The following WDPCP variants were observed in gnomAD, a reference collection of about 807,000 sequenced individuals.
The protein encoded by WDPCP is WD repeat-containing and planar cell polarity effector protein fritz homolog.
A neutral mutation model predicts 93.1 loss-of-function variants in WDPCP; 71 were observed. The observed-to-expected ratio is 0.76, with a 90% CI of 0.63 to 0.93. The LOEUF is 0.93. Ranked by LOEUF, WDPCP falls within the 40% of genes least tolerant of loss-of-function variation. The pLI, the probability that WDPCP is intolerant of heterozygous loss-of-function variation, is 0.00. For missense variants in WDPCP, 844 were observed against 887.4 expected, an observed-to-expected ratio of 0.95 and a Z score of 0.62; for synonymous variants, 315 against 315.0, an observed-to-expected ratio of 1.00 and a Z score of 0.00.
chr2:63,791,607 C>T (rs1670547104), intron 2 of WDPCP, among the ~76,000 whole-genome samples: 1 of 152,120 alleles, frequency 6.6e-6, no homozygotes, highest in Non-Finnish European at 1.5e-5. Flanking sequence ...CTGAGATTAG[C>T]ACCATTACAC....
chr2:63,761,924 C>T (rs1670061094), intron 2 of WDPCP, among the ~76,000 whole-genome samples: 1 of 152,246 alleles, frequency 6.6e-6, no homozygotes, highest in South Asian at 2.1e-4. Flanking sequence ...AACACATCTT[C>T]TTTTGGGCTG....
intron 6 of WDPCP, among the ~76,000 whole-genome samples, chr2:63,453,947 T>A (rs1486452547): frequency 1.1e-5 from 1 of 90,494 alleles, no homozygotes; most frequent in Non-Finnish European, 2.0e-5. Context: ...TGGGGCCTGT[T>A]GTGGGGTGGG....
At chr2:63,611,378 C>G (rs188805801) in intron 3 of WDPCP, among the ~76,000 whole-genome samples, 1 of 152,182 alleles carries the variant, frequency 6.6e-6, no homozygotes, top group East Asian at 1.9e-4. Context: ...AAAGCAGCAG[C>G]CTTCTGGATT....
intron 9 of WDPCP, among the ~76,000 whole-genome samples, chr2:63,424,276 G>A (rs1696089640): frequency 6.6e-6 from 1 of 151,474 alleles, no homozygotes; most frequent in Non-Finnish European, 1.5e-5. Flanking sequence ...GAGAGGGGGT[G>A]TGCGTCAGCC....
chr2:63,641,393 AT>A (rs1203308120), intron 3 of WDPCP, among the ~76,000 whole-genome samples: 4 of 152,142 alleles, frequency 2.6e-5, no homozygotes. Flanking sequence ...AGTTGTACTA[AT>A]TTCATTTTCA....
chr2:63,322,589 T>C (rs1054687080), intron 12 of WDPCP, among the ~76,000 whole-genome samples: 1 of 152,030 alleles, frequency 6.6e-6, no homozygotes, highest in African/African-American at 2.4e-5. Context: ...GCTTCACTCC[T>C]GAAGTCAGCG....
chr2:63,500,077 A>C (rs1701449626), intron 1 of WDPCP, among the ~76,000 whole-genome samples: 1 of 152,194 alleles, frequency 6.6e-6, no homozygotes, highest in African/African-American at 2.4e-5. Context: ...CCCCTTACCC[A>C]GACTTGTTCC....
intron 2 of WDPCP, among the ~76,000 whole-genome samples, chr2:63,750,587 G>A (rs1669864828): frequency 6.6e-6 from 1 of 152,124 alleles, no homozygotes; most frequent in African/African-American, 2.4e-5. Context: ...TTACTGATCT[G>A]AGGGGAAAAG....
rs1022691052 is a variant in WDPCP at position 63,542,252 on chromosome 2, T to C, written c.75+45945A>G. The stretch of plus-strand genomic sequence containing the variant: ...GCCTGGGAAGGAAGCATTTTTTTTT[T>C]CTTCCTGAAGTGAATTTGATGCTTC... On this transcript the variant is annotated intron_variant, in intron 1 of 17. Transcript: ENST00000272321. 5.9e-5 allele frequency among the ~76,000 whole-genome samples: 9 copies of C among 152,304 alleles called. No homozygotes were observed. The East Asian group carries it at 1.7e-3, about 29-fold the overall frequency.
intron 3 of WDPCP, among the ~76,000 whole-genome samples, chr2:63,601,054 T>C (rs1709408711): frequency 6.6e-6 from 1 of 152,202 alleles, no homozygotes; most frequent in Non-Finnish European, 1.5e-5. Context: ...ACTGCAGGGC[T>C]CAAGTCTGAA....
At chr2:63,486,066 GT>G (rs1380505945) in intron 4 of WDPCP, among the ~76,000 whole-genome samples, 1 of 151,760 alleles carries the variant, frequency 6.6e-6, no homozygotes, top group East Asian at 1.9e-4. Context: ...TTTAATGTAT[GT>G]TTAATTCTAT....
At chr2:63,230,169 A>G (rs1458568208) in intron 14 of WDPCP, among the ~76,000 whole-genome samples, 1 of 144,062 alleles carries the variant, frequency 6.9e-6, no homozygotes, top group Non-Finnish European at 1.5e-5. Flanking sequence ...CCCACTTATG[A>G]GTGAGAACAT....
intron 1 of WDPCP, among the ~76,000 whole-genome samples, chr2:63,505,386 G>A (rs1485821756): frequency 2.6e-5 from 4 of 151,844 alleles, no homozygotes; most frequent in East Asian, 3.8e-4. Flanking sequence ...GATCAATTTC[G>A]CCGTACTATA....
chr2:63,272,532 G>A (rs1443855661), intron 13 of WDPCP, among the ~76,000 whole-genome samples: 1 of 152,028 alleles, frequency 6.6e-6, no homozygotes, highest in Non-Finnish European at 1.5e-5. Context: ...GCCTGAAAGA[G>A]GATTCAAAAT....
intron 15 of WDPCP, among the ~76,000 whole-genome samples, chr2:63,155,733 T>C (rs1320934598): frequency 6.6e-6 from 1 of 152,246 alleles, no homozygotes; most frequent in Non-Finnish European, 1.5e-5. Context: ...CAGAAAATGT[T>C]TGTCAACCCC....
intron 1 of WDPCP, among the ~76,000 whole-genome samples, chr2:63,511,631 AAAAC>A (rs1167662788): frequency 1.3e-5 from 2 of 152,214 alleles, no homozygotes; most frequent in African/African-American, 2.4e-5. Context: ...AAACCTGACA[AAAAC>A]AAGCAATGGG....
At chr2:63,164,059 T>C (rs1328695231) in intron 15 of WDPCP, among the ~76,000 whole-genome samples, 1 of 152,226 alleles carries the variant, frequency 6.6e-6, no homozygotes, top group East Asian at 1.9e-4. Flanking sequence ...TCAAAGTAGA[T>C]ATATTTACTG....
chr2:63,839,220 C>A, the WDPCP span, among the ~76,000 whole-genome samples: 2 of 152,186 alleles, frequency 1.3e-5, no homozygotes, highest in Admixed American at 1.3e-4. Context: ...TCCATGAAGG[C>A]AGAAAATACA....
intron 12 of WDPCP, among the ~76,000 whole-genome samples, chr2:63,347,761 G>A (rs940625475): frequency 1.6e-5 from 2 of 126,382 alleles, no homozygotes; most frequent in African/African-American, 6.4e-5. Context: ...ATATTCATCT[G>A]AGCTTTATTG....
Sources: gnomAD v4.1 joint callset for allele counts (sites outside exome capture counted in the v4.1 genomes callset) on GRCh38, gnomAD v4.1.1 for gene constraint, MANE v1.5 for transcripts, NCBI Gene and HGNC (gene_info 2026-07-23, HGNC 2026-07-21) for gene names.